Variants in DIO2 observed in about 807,000 individuals in gnomAD.
DIO2 encodes the protein type II iodothyronine deiodinase.
A neutral mutation model predicts 21.4 loss-of-function variants in DIO2; 19 were observed. That is an observed-to-expected ratio of 0.89 (90% CI 0.62 to 1.30). DIO2 has a LOEUF of 1.30. Ranked by LOEUF, DIO2 falls within the 50% of genes most tolerant of loss-of-function variation. The pLI is 0.00. For synonymous variants in DIO2, 122 were observed against 132.9 expected, an observed-to-expected ratio of 0.92 and a Z score of 0.57; for missense variants, 302 against 338.1, an observed-to-expected ratio of 0.89 and a Z score of 0.84.
In DIO2 at chr14:80,197,594, A is replaced by G. The variant is rs916140468; in HGVS notation, c.*5095T>C. ...AATTGTATAAGCACACATAGCACTC[A>G]GCACCAATATGATAACACTCTTTCT... is the stretch of plus-strand genomic sequence containing the variant. On this transcript the variant is annotated 3_prime_UTR_variant, in exon 2 of 2. Coordinates refer to ENST00000438257, the MANE Select transcript of DIO2 (RefSeq NM_013989.5). 2.0e-5 allele frequency: 3 copies of G among 152,778 alleles called. No individual in the cohort carries two copies. Among genetic ancestry groups the G allele is most frequent in the African/African-American group, 7.2e-5 (3 of 41,576 alleles). 9.5% of individuals were successfully genotyped at this position (152,778 alleles called of 1,614,324 possible).
upstream of DIO2, among the ~76,000 whole-genome samples, chr14:80,214,727 T>C (rs571383490): frequency 1.1e-4 from 17 of 152,334 alleles, no homozygotes; most frequent in African/African-American, 3.8e-4. Context: ...ATTCCAGTTA[T>C]TAAGAATATT....
Position 80,200,844 on chromosome 14 carries a change from C to T in DIO2, c.*1845G>A, listed in dbSNP as rs892563917. The T allele has an allele frequency of 2.6e-5, 4 of 152,084 alleles. No homozygotes were observed. The highest frequency in any genetic ancestry group is 1.3e-4 in the Admixed American group (2 of 15,264). 9.4% of individuals were successfully genotyped at this position (152,084 alleles called of 1,614,324 possible). ...CCCATTTAAAAAATAAAATAAAATA[C>T]GTTTGGTTCTTGCACACCTAGTTCT... is the stretch of plus-strand genomic sequence containing the variant. On this transcript the variant is annotated 3_prime_UTR_variant, in exon 2 of 2. Transcript: ENST00000438257.
chr14:80,225,989 C>G (rs981675454), intron 2 of DIO2, among the ~76,000 whole-genome samples: 1 of 152,124 alleles, frequency 6.6e-6, no homozygotes, highest in Non-Finnish European at 1.5e-5. Flanking sequence ...GAATTAAGAC[C>G]TCTAAATCAG....
intron 1 of DIO2, chr14:80,206,100 C>G (rs1887944061): frequency 3.0e-6 from 2 of 663,912 alleles, no homozygotes; most frequent in Admixed American, 3.4e-5. Context: ...TGTTGAGGAG[C>G]CAGGGTCCCT....
At chr14:80,209,863 A>T (rs904740540) in intron 1 of DIO2, among the ~76,000 whole-genome samples, 1 of 152,240 alleles carries the variant, frequency 6.6e-6, no homozygotes, top group African/African-American at 2.4e-5. Context: ...TGAACATCTG[A>T]TTTTCAGAAG....
intron 1 of DIO2, 133 bp from the exon 2 acceptor site, chr14:80,203,421 T>C: frequency 9.1e-7 from 1 of 1,099,062 alleles, no homozygotes. Context: ...TCAGAGCATT[T>C]GGTAAACATT....
rs894547589 is a variant in DIO2 at position 80,203,932 on chromosome 14, C to A, written c.223-644G>T. On this transcript the variant is annotated intron_variant, in intron 1 of 1. Transcript: ENST00000438257. ...CACCTGTAAAATGGAAATAATAATG[C>A]CTGTCTTCCACATATGGCAACTGGA... Among the ~76,000 whole-genome samples the A allele has an allele frequency of 3.3e-5, 5 of 152,146 alleles. No individual in the cohort carries two copies. In the South Asian group the frequency reaches 8.3e-4, roughly 25 times the overall value.
rs1349333846 is a variant in DIO2 at position 80,200,935 on chromosome 14, AT to A, written c.*1753del. The A allele has an allele frequency of 6.6e-6, 1 of 151,326 alleles. No individual in the cohort carries two copies. The highest frequency in any genetic ancestry group is 1.5e-5 in the Non-Finnish European group (1 of 67,970). 9.4% of individuals were successfully genotyped at this position (151,326 alleles called of 1,614,324 possible). On this transcript the variant is annotated 3_prime_UTR_variant, in exon 2 of 2. Coordinates refer to ENST00000438257, the MANE Select transcript of DIO2 (RefSeq NM_013989.5). Reference sequence around the variant, plus strand: ...TTTCAACTTTAGTTTTTTTCTATCCATTTTATTTATTTTTTATTCAGTTATT... The same window carrying A: ...TTTCAACTTTAGTTTTTTTCTATCCATTTATTTATTTTTTATTCAGTTATT...
Position 80,203,278 on chromosome 14 carries a change from C to T in DIO2, c.233G>A (p.Gly78Asp), listed in dbSNP as rs752484940. The T allele has an allele frequency of 6.5e-7, 1 of 1,534,172 alleles. No homozygotes were observed. Among genetic ancestry groups the T allele is most frequent in the Admixed American group, 2.2e-5 (1 of 45,612 alleles). The change falls in exon 2 of 2, where the codon GGT becomes GAT. Residue 78 changes from glycine to aspartate, a missense_variant. Coordinates refer to ENST00000438257, the MANE Select transcript of DIO2 (RefSeq NM_013989.5). ...CACACTGGAATTGGGGGCATCCTCA[C>T]CCAATTTCACCTGACGGTAAAAAAA... ...LLDAYKQVKL[G>D]EDAPNSSVVH...
At chr14:80,206,002 C>T (rs1887940148) in intron 1 of DIO2, among the ~76,000 whole-genome samples, 1 of 152,048 alleles carries the variant, frequency 6.6e-6, no homozygotes, top group Non-Finnish European at 1.5e-5. Context: ...TAGAGTACTA[C>T]CAAAATCAGC....
At chr14:80,214,074 A>G (rs1236384925), upstream of DIO2, among the ~76,000 whole-genome samples, 1 of 152,240 alleles carries the variant, frequency 6.6e-6, no homozygotes, top group African/African-American at 2.4e-5. Context: ...GAACAAAGGC[A>G]GGGAGTTGAT....
At chr14:80,222,250 G>T (rs1289021809) in intron 2 of DIO2, among the ~76,000 whole-genome samples, 2 of 152,102 alleles carry the variant, frequency 1.3e-5, no homozygotes, top group Non-Finnish European at 2.9e-5. Flanking sequence ...ACATAAAAAT[G>T]CCAGGGCAAT....
chr14:80,230,702 T>C (rs778214947), intron 2 of DIO2, among the ~76,000 whole-genome samples: 3 of 152,148 alleles, frequency 2.0e-5, no homozygotes, highest in Non-Finnish European at 4.4e-5. Context: ...TTCACACTAT[T>C]AGAATTAGAG....
intron 2 of DIO2, among the ~76,000 whole-genome samples, chr14:80,226,410 G>A (rs1275140523): frequency 1.3e-5 from 2 of 152,218 alleles, no homozygotes; most frequent in Non-Finnish European, 2.9e-5. Context: ...AAGGCATTCC[G>A]TGAATCCACA....
upstream of DIO2, among the ~76,000 whole-genome samples, chr14:80,215,195 G>A (rs930508076): frequency 2.0e-5 from 3 of 152,144 alleles, no homozygotes; most frequent in South Asian, 2.1e-4. Flanking sequence ...TATTCCACAC[G>A]GGTTTTAAAT....
chr14:80,212,039 G>A (rs915849200), upstream of DIO2: 8 of 123,406 alleles, frequency 6.5e-5, no homozygotes, highest in Admixed American at 5.3e-4. Context: ...TCTTTACTCC[G>A]TTTTACACAC....
intron 1 of DIO2, 41 bp downstream of exon 1, chr14:80,211,210 C>A: frequency 6.4e-7 from 1 of 1,569,548 alleles, no homozygotes; most frequent in South Asian, 1.1e-5. Context: ...GAGCCCCTGC[C>A]CCTGTAGACC....
At chr14:80,226,262 T>A (rs1191133186) in intron 2 of DIO2, among the ~76,000 whole-genome samples, 16 of 152,158 alleles carry the variant, frequency 1.1e-4, no homozygotes, top group Non-Finnish European at 2.9e-5. Context: ...ATTCTATCAA[T>A]CCAGCTGCTT....
intron 2 of DIO2, among the ~76,000 whole-genome samples, chr14:80,226,658 T>C (rs1313308111): frequency 1.3e-5 from 2 of 152,204 alleles, no homozygotes; most frequent in Non-Finnish European, 2.9e-5. Context: ...AGGTCAGCCT[T>C]GGTGAGTGGA....
Sources: allele counts gnomAD v4.1 joint callset (sites outside exome capture counted in the v4.1 genomes callset), GRCh38; gene constraint gnomAD v4.1.1; transcripts MANE v1.5; gene names NCBI Gene and HGNC (gene_info 2026-07-23, HGNC 2026-07-21).